The following ANO1 variants were observed in gnomAD, a reference collection of about 807,000 sequenced individuals.
ANO1 encodes the protein anoctamin-1.
Under a neutral mutation model 124.0 loss-of-function variants are expected in ANO1, and 59 were observed. That is an observed-to-expected ratio of 0.48 (90% CI 0.39 to 0.59). ANO1 has a LOEUF of 0.59. Ranked by LOEUF, ANO1 falls within the 20% of genes least tolerant of loss-of-function variation. The pLI is 0.00. For synonymous variants in ANO1, 529 were observed against 532.0 expected, an observed-to-expected ratio of 0.99 and a Z score of 0.08; for missense variants, 1,059 against 1,328.0, an observed-to-expected ratio of 0.80 and a Z score of 3.15.
At position 70,095,411 on chromosome 11, in the gene ANO1, AAAGAAAGAAAG is replaced by A. The variant is rs1477387520; in HGVS notation, c.441+7330_441+7340del. Among the ~76,000 whole-genome samples the A allele has an allele frequency of 3.2e-3, 92 of 28,382 alleles. 8 individuals are homozygous for A. Among genetic ancestry groups the A allele is most frequent in the Non-Finnish European group, 7.8e-3 (69 of 8,902 alleles). The allele number at this position is 28,382 out of a possible 152,430, so 18.6% of individuals were successfully genotyped here. A position where few individuals can be genotyped will look rare whatever the true frequency, so the allele number is the denominator to read the frequency against. On this transcript the variant is annotated intron_variant, in intron 2 of 25. Transcript: ENST00000355303. ...GAAAGAAAGAAAGAAAGAAAGAAAG[AAAGAAAGAAAG>A]AAAGAAAAGAAAAGAAAGAAAGAGG...
At chr11:70,152,911 A>G in intron 13 of ANO1, 146 bp from the exon 14 acceptor site, 1 of 688,058 alleles carries the variant, frequency 1.5e-6, no homozygotes, top group Non-Finnish European at 2.5e-6. Flanking sequence ...GGGTGATTAC[A>G]CTGGAAATAT....
At chr11:69,986,335 C>A (rs1475598912) in intron 1 of ANO1, among the ~76,000 whole-genome samples, 2 of 152,012 alleles carry the variant, frequency 1.3e-5, no homozygotes, top group Non-Finnish European at 2.9e-5. Context: ...CCGCGCTGCT[C>A]CCGGTGAAGG....
intron 2 of ANO1, among the ~76,000 whole-genome samples, chr11:70,095,819 AG>A (rs1348628159): frequency 6.6e-6 from 1 of 152,046 alleles, no homozygotes; most frequent in Non-Finnish European, 1.5e-5. Flanking sequence ...TTGTCTTTGG[AG>A]GGGTTGAGCA....
At chr11:70,155,012 G>A (rs868449004) in intron 14 of ANO1, among the ~76,000 whole-genome samples, 5 of 152,322 alleles carry the variant, frequency 3.3e-5, no homozygotes, top group Non-Finnish European at 2.9e-5. Flanking sequence ...AGCATCCGGC[G>A]TGTTTTCAGG....
At chr11:69,982,563 G>A (rs1386634338), upstream of ANO1, among the ~76,000 whole-genome samples, 1 of 152,206 alleles carries the variant, frequency 6.6e-6, no homozygotes, top group Non-Finnish European at 1.5e-5. Flanking sequence ...TCAGGTTTTG[G>A]GCTGGAAGCT....
At chr11:70,092,748 C>T (rs2135265059) in intron 2 of ANO1, among the ~76,000 whole-genome samples, 1 of 152,240 alleles carries the variant, frequency 6.6e-6, no homozygotes, top group African/African-American at 2.4e-5. Context: ...CTGTGTGGTA[C>T]CCCAAGGGTG....
chr11:70,053,396 G>A (rs1347365176), intron 1 of ANO1, among the ~76,000 whole-genome samples: 3 of 152,146 alleles, frequency 2.0e-5, no homozygotes, highest in African/African-American at 7.2e-5. Context: ...TATTTAACAT[G>A]CCATTTGTTG....
intron 1 of ANO1, among the ~76,000 whole-genome samples, chr11:70,046,832 G>A (rs782358637): frequency 2.0e-5 from 3 of 152,148 alleles, no homozygotes; most frequent in Non-Finnish European, 4.4e-5. Flanking sequence ...CCAGCACTTT[G>A]GGAGGCTGAG....
At chr11:70,183,676 C>A (rs2049009695) in intron 24 of ANO1, among the ~76,000 whole-genome samples, 1 of 152,302 alleles carries the variant, frequency 6.6e-6, no homozygotes, top group African/African-American at 2.4e-5. Flanking sequence ...GCAGGTTGTG[C>A]AACTTCTGCC....
chr11:69,973,202 C>G, the ANO1 span, among the ~76,000 whole-genome samples: 18 of 152,320 alleles, frequency 1.2e-4, no homozygotes, highest in Middle Eastern at 3.4e-3. Flanking sequence ...AGCCACCGCG[C>G]CCAGCTCTGG....
chr11:69,972,797 C>T, the ANO1 span, among the ~76,000 whole-genome samples: 1 of 152,176 alleles, frequency 6.6e-6, no homozygotes, highest in Non-Finnish European at 1.5e-5. Context: ...TCCCCAGATG[C>T]CTGCAGATCT....
chr11:70,162,035 C>A (rs1370348246), intron 18 of ANO1, among the ~76,000 whole-genome samples: 1 of 149,852 alleles, frequency 6.7e-6, no homozygotes, highest in East Asian at 2.0e-4. Flanking sequence ...CCGTGGGGAC[C>A]CCAGGCAGTG....
chr11:70,001,366 T>A (rs1196151718), intron 1 of ANO1, among the ~76,000 whole-genome samples: 1 of 151,958 alleles, frequency 6.6e-6, no homozygotes, highest in South Asian at 2.1e-4. Flanking sequence ...AAGCCATGAG[T>A]GAAAGTGTCC....
At chr11:70,068,636 G>A (rs1857792462) in intron 1 of ANO1, among the ~76,000 whole-genome samples, 1 of 152,110 alleles carries the variant, frequency 6.6e-6, no homozygotes, top group Non-Finnish European at 1.5e-5. Context: ...GAAACATGAA[G>A]TCCAGCCCAA....
At chr11:70,138,009 T>C (rs886883603) in intron 11 of ANO1, among the ~76,000 whole-genome samples, 1 of 147,532 alleles carries the variant, frequency 6.8e-6, no homozygotes, top group African/African-American at 2.4e-5. Flanking sequence ...ACCTTGTGCT[T>C]GGTGGCCTCT....
In ANO1 at chr11:70,126,214, C is replaced by A. The variant is rs2046505123; in HGVS notation, c.1097+19C>A. 1.2e-6 allele frequency: 2 copies of A among 1,607,822 alleles called. No homozygotes were observed. The highest frequency in any genetic ancestry group is 3.7e-4 in the Middle Eastern group (2 of 5,470). ...TCCCCAGGTAGGCGGCAGCCCACCC[C>A]CACCACCCCGCAGTACACAGAGGAG... On this transcript the variant is annotated intron_variant, in intron 10 of 25. Coordinates refer to ENST00000355303, the MANE Select transcript of ANO1 (RefSeq NM_018043.7).
At chr11:69,985,210 G>A (rs1367690352), upstream of ANO1, among the ~76,000 whole-genome samples, 3 of 152,198 alleles carry the variant, frequency 2.0e-5, no homozygotes, top group African/African-American at 4.8e-5. Flanking sequence ...GCACCCCCGG[G>A]TCCAGTCCTC....
the ANO1 span, among the ~76,000 whole-genome samples, chr11:69,978,234 C>T: frequency 1.3e-5 from 2 of 152,172 alleles, no homozygotes; most frequent in African/African-American, 2.4e-5. Flanking sequence ...GCTGCCACCT[C>T]GGGTCCGACG....
chr11:70,149,878 C>G (rs1056614521), intron 12 of ANO1, 86 bp downstream of exon 12: 1 of 1,472,844 alleles, frequency 6.8e-7, no homozygotes, highest in Admixed American at 1.9e-5. Flanking sequence ...CACGGAGGCC[C>G]GAGGTCAGAA....
Sources: allele counts gnomAD v4.1 joint callset (sites outside exome capture counted in the v4.1 genomes callset), GRCh38; gene constraint gnomAD v4.1.1; transcripts MANE v1.5; gene names NCBI Gene and HGNC (gene_info 2026-07-23, HGNC 2026-07-21).